The following PARVB variants were observed in gnomAD, a reference collection of about 807,000 sequenced individuals.
PARVB encodes the protein beta-parvin.
In PARVB, 46 loss-of-function variants were observed where a neutral mutation model predicts 47.0. That is an observed-to-expected ratio of 0.98 (90% CI 0.77 to 1.25). PARVB has a LOEUF of 1.25. Among genes scored for constraint, PARVB ranks in the 50% most tolerant of loss-of-function variants. The pLI, the probability that PARVB is intolerant of heterozygous loss-of-function variation, is 0.00. For synonymous variants in PARVB, 196 were observed against 196.3 expected (o/e 1.00, Z 0.01); for missense variants, 473 against 471.6 (o/e 1.00, Z -0.03).
intron 1 of PARVB, among the ~76,000 whole-genome samples, chr22:44,082,662 G>A (rs977167648): frequency 6.6e-6 from 1 of 152,194 alleles, no homozygotes; most frequent in African/African-American, 2.4e-5. Context: ...CCATGCCCCG[G>A]TTTCTCGCCC....
intron 8 of PARVB, chr22:44,146,763 C>T (rs1191859028): frequency 6.6e-6 from 1 of 152,438 alleles, no homozygotes; most frequent in Non-Finnish European, 1.5e-5. Context: ...CTTCCTACCC[C>T]ACTCTCTCCC....
chr22:44,014,046 T>C (rs2050552407), intron 2 of PARVB, among the ~76,000 whole-genome samples: 1 of 148,274 alleles, frequency 6.7e-6, no homozygotes, highest in African/African-American at 2.4e-5. Flanking sequence ...AAGACCTCCA[T>C]CTCTGTTTGA....
intron 3 of PARVB, chr22:44,115,540 A>C (rs1443042963): frequency 2.8e-5 from 1 of 36,212 alleles, no homozygotes; most frequent in African/African-American, 2.6e-4. Flanking sequence ...AAGGCCCTGC[A>C]CCAACACAGA....
intron 1 of PARVB, among the ~76,000 whole-genome samples, chr22:44,077,928 C>T (rs1326899567): frequency 6.6e-6 from 1 of 151,994 alleles, no homozygotes; most frequent in Non-Finnish European, 1.5e-5. Flanking sequence ...GAACTCCTGA[C>T]CTCAAGTGAT....
At chr22:44,084,951 A>G (rs2051991182) in intron 1 of PARVB, among the ~76,000 whole-genome samples, 1 of 152,252 alleles carries the variant, frequency 6.6e-6, no homozygotes, top group South Asian at 2.1e-4. Context: ...AAAGGAGTAC[A>G]AGAACACAGT....
At chr22:44,102,677 C>CAAAAAAAAA (rs3216456) in intron 3 of PARVB, 2 of 140,814 alleles carry the variant, frequency 1.4e-5, no homozygotes, top group African/African-American at 5.2e-5. Flanking sequence ...CTGTCTCTAC[C>CAAAAAAAAA]AAAAAAAAAA....
chr22:44,077,886 C>G (rs770710244), intron 1 of PARVB, among the ~76,000 whole-genome samples: 1 of 151,972 alleles, frequency 6.6e-6, no homozygotes, highest in African/African-American at 2.4e-5. Context: ...TTAGTTGAGA[C>G]GGGTTTTCAC....
chr22:44,000,735 A>G (rs2050405185), intron 2 of PARVB, among the ~76,000 whole-genome samples: 4 of 152,244 alleles, frequency 2.6e-5, no homozygotes, highest in Admixed American at 2.0e-4. Context: ...TCAACTAATG[A>G]ACGGTTTTGA....
At chr22:44,073,622 C>T (rs2051702584) in intron 1 of PARVB, among the ~76,000 whole-genome samples, 1 of 152,224 alleles carries the variant, frequency 6.6e-6, no homozygotes, top group African/African-American at 2.4e-5. Context: ...TCTTCAGATG[C>T]AGAAATTTCT....
At chr22:44,073,690 G>A (rs775243194) in intron 1 of PARVB, among the ~76,000 whole-genome samples, 5 of 152,216 alleles carry the variant, frequency 3.3e-5, no homozygotes, top group African/African-American at 9.6e-5. Context: ...TTGTGCTTGA[G>A]CAGAAGCATT....
intron 1 of PARVB, among the ~76,000 whole-genome samples, chr22:44,041,289 C>T (rs1302674215): frequency 2.0e-5 from 3 of 151,488 alleles, no homozygotes; most frequent in African/African-American, 4.8e-5. Flanking sequence ...GTCAGGAGTT[C>T]GAGACCAGTC....
chr22:44,130,397 C>T lies in PARVB; in HGVS notation c.377-1090C>T, dbSNP rs59561840. ...GGGCGTGGGGTGGGGCGCTGGTGGC[C>T]GGCACCTGCCAGTACCTACTGCTAA... is the stretch of plus-strand genomic sequence containing the variant. On this transcript the variant is annotated intron_variant, in intron 4 of 12. Transcript: ENST00000338758. 3.0e-3 allele frequency among the ~76,000 whole-genome samples: 450 copies of T among 152,226 alleles called. 4 individuals are homozygous for T. Among genetic ancestry groups the T allele is most frequent in the African/African-American group, 0.01 (435 of 41,530 alleles).
chr22:44,166,533 CT>C (rs1413243374), intron 12 of PARVB, among the ~76,000 whole-genome samples: 1 of 152,248 alleles, frequency 6.6e-6, no homozygotes, highest in Non-Finnish European at 1.5e-5. Flanking sequence ...TCATCTGCCG[CT>C]GGACGGCACG....
chr22:44,089,421 C>G lies in PARVB; in HGVS notation c.113-4507C>G, dbSNP rs1400212097. 2 of 152,008 alleles carry G rather than the reference C, an allele frequency of 1.3e-5. No homozygotes were observed. Among genetic ancestry groups the G allele is most frequent in the Non-Finnish European group, 2.9e-5 (2 of 68,168 alleles). The allele number at this position is 152,008 out of a possible 1,614,324, so 9.4% of individuals were successfully genotyped here. A position where few individuals can be genotyped will look rare whatever the true frequency, so the allele number is the denominator to read the frequency against. ...CACTGAGAGAATGCATGCCAGCATG[C>G]CTGTGCCAGCGCGCCTGTGCCAGCA... On this transcript the variant is annotated intron_variant, in intron 1 of 12. Coordinates refer to ENST00000338758, the MANE Select transcript of PARVB (RefSeq NM_013327.5). This position sits in a 1 kb window ranked among gnomAD's most constrained non-coding sequence, Gnocchi z 4.0.
chr22:44,124,839 G>A (rs1272658807), intron 4 of PARVB, among the ~76,000 whole-genome samples: 1 of 152,162 alleles, frequency 6.6e-6, no homozygotes, highest in Non-Finnish European at 1.5e-5. Flanking sequence ...GGGGATACGT[G>A]GACTGCGGGG....
intron 1 of PARVB, among the ~76,000 whole-genome samples, chr22:44,034,252 GTGTCTT>G (rs2050875643): frequency 8.4e-6 from 1 of 119,292 alleles, no homozygotes. Flanking sequence ...TTTGAGATGG[GTGTCTT>G]TATACATATA....
intron 2 of PARVB, among the ~76,000 whole-genome samples, chr22:44,008,058 G>A (rs953238781): frequency 8.5e-5 from 13 of 152,098 alleles, no homozygotes; most frequent in Admixed American, 3.3e-4. Flanking sequence ...GTCAGTGGAC[G>A]TTTGGGTTGT....
intron 1 of PARVB, among the ~76,000 whole-genome samples, chr22:44,062,950 T>C (rs1442719577): frequency 1.3e-5 from 2 of 152,122 alleles, no homozygotes; most frequent in East Asian, 1.9e-4. Flanking sequence ...GAGGGTGGGG[T>C]TGGGGGGTGT....
chr22:44,024,475 G>C lies in PARVB; in HGVS notation c.112+24G>C, dbSNP rs1358564692. The C allele has an allele frequency of 7.2e-6, 8 of 1,114,942 alleles. No individual in the cohort carries two copies. The East Asian group carries it at 3.9e-4, about 55-fold the overall frequency. The allele number at this position is 1,114,942 out of a possible 1,614,324, so 69.1% of individuals were successfully genotyped here. A position where few individuals can be genotyped will look rare whatever the true frequency, so the allele number is the denominator to read the frequency against. On this transcript the variant is annotated intron_variant, in intron 1 of 12. Transcript: ENST00000338758. The stretch of plus-strand genomic sequence containing the variant: ...GGGTGAGTGCGCGCCCGCGCCCGCC[G>C]ACCCCCGGGGACCTGCCCGGCGGTG...
Sources: gnomAD v4.1 joint callset for allele counts (sites outside exome capture counted in the v4.1 genomes callset) on GRCh38, gnomAD v4.1.1 for gene constraint, Gnocchi (gnomAD v3.1) non-coding constraint, MANE v1.5 for transcripts, NCBI Gene and HGNC (gene_info 2026-07-23, HGNC 2026-07-21) for gene names.